SLC7A14: variants seen among roughly 807,000 people sequenced by gnomAD.
SLC7A14 encodes solute carrier family 7 member 14.
In SLC7A14, 37 loss-of-function variants were observed where a neutral mutation model predicts 60.2. The observed-to-expected ratio is 0.61, with a 90% CI of 0.47 to 0.81. The LOEUF (loss-of-function observed/expected upper bound fraction) is 0.81, where lower values mean the gene tolerates loss of function less well. Ranked by LOEUF, SLC7A14 falls within the 30% of genes least tolerant of loss-of-function variation. The pLI is 0.00. For synonymous variants in SLC7A14, 399 were observed against 395.8 expected (o/e 1.01, Z -0.10); for missense variants, 886 against 982.7 (o/e 0.90, Z 1.32).
In SLC7A14 at chr3:170,466,970, A is replaced by T. The variant is rs1739733439; in HGVS notation, c.*85T>A. 1.7e-6 allele frequency: 2 copies of T among 1,180,804 alleles called. No individual in the cohort carries two copies. Among genetic ancestry groups the T allele is most frequent in the Non-Finnish European group, 2.4e-6 (2 of 837,672 alleles). The allele number at this position is 1,180,804 out of a possible 1,614,324, so 73.1% of individuals were successfully genotyped here. On this transcript the variant is annotated 3_prime_UTR_variant, in exon 8 of 8. Coordinates refer to ENST00000231706, the MANE Select transcript of SLC7A14 (RefSeq NM_020949.3). The stretch of plus-strand genomic sequence containing the variant: ...GGGAAGGCTGGATTTGTGAAATGAG[A>T]GCCAAAAAAGTTTTCACCTTCTAGC...
chr3:170,517,766 C>A (rs188414711), intron 2 of SLC7A14, among the ~76,000 whole-genome samples: 1 of 152,236 alleles, frequency 6.6e-6, no homozygotes, highest in Non-Finnish European at 1.5e-5. Context: ...CCTAGGGATT[C>A]CATTACCATG....
chr3:170,471,120 T>A (rs1032231342), intron 7 of SLC7A14, among the ~76,000 whole-genome samples: 2 of 151,750 alleles, frequency 1.3e-5, no homozygotes, highest in East Asian at 1.9e-4. Flanking sequence ...TGTGTGTGTG[T>A]GAGTGATTAT....
At chr3:170,533,678 T>TGG (rs1553872452) in intron 1 of SLC7A14, among the ~76,000 whole-genome samples, 8 of 147,492 alleles carry the variant, frequency 5.4e-5, no homozygotes, top group Admixed American at 1.3e-4. Context: ...TGTGTGTGTG[T>TGG]GGTGTGTGTG....
In SLC7A14 at chr3:170,526,750, C is replaced by T. The variant is rs755029338; in HGVS notation, c.187G>A (p.Val63Ile). The T allele has an allele frequency of 6.8e-6, 11 of 1,614,246 alleles. No homozygotes were observed. Among genetic ancestry groups the T allele is most frequent in the South Asian group, 1.1e-5 (1 of 91,088 alleles). The change falls in exon 2 of 8, where the codon GTT (valine) becomes ATT (isoleucine). Residue 63 changes from valine to isoleucine, a missense_variant. Physicochemically the swap from Val to Ile is conservative, Grantham distance 29. Transcript: ENST00000231706. ...ATGCCAGTGCCCACACAGCTGCCAA[C>T]GCCAAGAGAGATGAGGTCCACTGTG... The part of the protein sequence containing the change: ...LTTVDLISLG[V>I]GSCVGTGMYV...
chr3:170,484,214 G>A (rs909692559), intron 5 of SLC7A14, among the ~76,000 whole-genome samples: 1 of 152,196 alleles, frequency 6.6e-6, no homozygotes, highest in Admixed American at 6.5e-5. Context: ...ATCATTTACT[G>A]TGTGTGCTAT....
Position 170,465,706 on chromosome 3 carries a change from A to C in SLC7A14, c.*1349T>G, listed in dbSNP as rs1391796792. 1 of 152,264 alleles carries C rather than the reference A, an allele frequency of 6.6e-6. No individual in the cohort carries two copies. Among genetic ancestry groups the C allele is most frequent in the African/African-American group, 2.4e-5 (1 of 41,480 alleles). The allele number at this position is 152,264 out of a possible 1,614,324, so 9.4% of individuals were successfully genotyped here. On this transcript the variant is annotated 3_prime_UTR_variant, in exon 8 of 8. Transcript: ENST00000231706. ...GGTTAATTCTATGATAGCTTGATTC[A>C]AATTGTGCCTTCACATACATTTGTA... is the stretch of plus-strand genomic sequence containing the variant.
chr3:170,547,615 T>C (rs1714217052), intron 1 of SLC7A14, among the ~76,000 whole-genome samples: 1 of 152,158 alleles, frequency 6.6e-6, no homozygotes, highest in Admixed American at 6.5e-5. Flanking sequence ...GTCTTTGTGT[T>C]GAGTAGTCTG....
At chr3:170,519,982 A>G (rs1713295261) in intron 2 of SLC7A14, among the ~76,000 whole-genome samples, 1 of 152,202 alleles carries the variant, frequency 6.6e-6, no homozygotes, top group South Asian at 2.1e-4. Context: ...CCCATGTCTG[A>G]GAGGCCACAA....
In SLC7A14 at chr3:170,465,255, C is replaced by T. The variant is rs1739690808; in HGVS notation, c.*1800G>A. ...TTATTTAAAGCATATTTTTTAAAAA[C>T]TAGTTTCAATTCATCTTTATATGTA... On this transcript the variant is annotated 3_prime_UTR_variant, in exon 8 of 8. Transcript: ENST00000231706. The T allele has an allele frequency of 6.6e-6, 1 of 152,212 alleles. No homozygotes were observed. Among genetic ancestry groups the T allele is most frequent in the Admixed American group, 6.5e-5 (1 of 15,284 alleles). 9.4% of individuals were successfully genotyped at this position (152,212 alleles called of 1,614,324 possible). A position where few individuals can be genotyped will look rare whatever the true frequency, so the allele number is the denominator to read the frequency against.
intron 7 of SLC7A14, among the ~76,000 whole-genome samples, chr3:170,474,075 A>C (rs1422891796): frequency 6.6e-6 from 1 of 152,228 alleles, no homozygotes; most frequent in African/African-American, 2.4e-5. Flanking sequence ...CCTCAACTAG[A>C]AACAACCCAA....
chr3:170,557,217 G>A (rs1714510061), intron 1 of SLC7A14, among the ~76,000 whole-genome samples: 1 of 151,824 alleles, frequency 6.6e-6, no homozygotes, highest in Non-Finnish European at 1.5e-5. Context: ...AGGCCATCCA[G>A]GACTTTCTAA....
At chr3:170,579,475 C>T (rs1215333850) in intron 1 of SLC7A14, among the ~76,000 whole-genome samples, 3 of 152,142 alleles carry the variant, frequency 2.0e-5, no homozygotes, top group Non-Finnish European at 4.4e-5. Flanking sequence ...CCAGCTTGAT[C>T]ATTTGTTGTT....
chr3:170,468,293 C>A (rs540213305), intron 7 of SLC7A14, among the ~76,000 whole-genome samples: 152 of 151,850 alleles, frequency 1.0e-3, no homozygotes, highest in African/African-American at 3.5e-3. Context: ...TACCCATTTT[C>A]TTTTTCTTTT....
At chr3:170,495,493 A>T in intron 4 of SLC7A14, 1 of 875,116 alleles carries the variant, frequency 1.1e-6, no homozygotes, top group Non-Finnish European at 1.8e-6. Context: ...TCTGGCCCCC[A>T]GGCCTTTAGC....
chr3:170,568,861 G>A (rs1256370198), intron 1 of SLC7A14, among the ~76,000 whole-genome samples: 1 of 152,188 alleles, frequency 6.6e-6, no homozygotes, highest in African/African-American at 2.4e-5. Context: ...CATTGATTTT[G>A]TATCCTGAGA....
At chr3:170,565,400 G>A (rs1400959596) in intron 1 of SLC7A14, among the ~76,000 whole-genome samples, 1 of 152,200 alleles carries the variant, frequency 6.6e-6, no homozygotes, top group Non-Finnish European at 1.5e-5. Context: ...AAGTTAAATA[G>A]AGGCAGTTGC....
chr3:170,468,033 T>C (rs1739771581), intron 7 of SLC7A14, among the ~76,000 whole-genome samples: 1 of 152,232 alleles, frequency 6.6e-6, no homozygotes, highest in South Asian at 2.1e-4. Context: ...GCTACTATTA[T>C]GTCCCTTAGA....
intron 1 of SLC7A14, among the ~76,000 whole-genome samples, chr3:170,528,889 A>G (rs1713590859): frequency 6.6e-6 from 1 of 152,074 alleles, no homozygotes; most frequent in Non-Finnish European, 1.5e-5. Context: ...GGGGACATGA[A>G]TCCACGTGTC....
intron 7 of SLC7A14, among the ~76,000 whole-genome samples, chr3:170,475,902 G>A (rs528085391): frequency 9.2e-5 from 14 of 152,058 alleles, no homozygotes; most frequent in African/African-American, 2.9e-4. Context: ...TAGTAGAGAC[G>A]GAGTTTCACC....
Sources: allele counts gnomAD v4.1 joint callset (sites outside exome capture counted in the v4.1 genomes callset), GRCh38; gene constraint gnomAD v4.1.1; transcripts MANE v1.5; gene names NCBI Gene and HGNC (gene_info 2026-07-23, HGNC 2026-07-21).